CCDC30: variants seen among roughly 807,000 people sequenced by gnomAD.
CCDC30 encodes the protein coiled-coil domain containing 30.
A neutral mutation model predicts 100.2 loss-of-function variants in CCDC30; 70 were observed. The observed-to-expected ratio is 0.70, with a 90% CI of 0.58 to 0.85. The LOEUF is 0.85. CCDC30 is among the 40% of genes least tolerant of loss of function. CCDC30 has a pLI of 0.00. For synonymous variants in CCDC30, 233 were observed against 269.5 expected (o/e 0.86, Z 1.33); for missense variants, 652 against 771.2 (o/e 0.85, Z 1.83).
intron 6 of CCDC30, among the ~76,000 whole-genome samples, chr1:42,517,140 A>G (rs2148498215): frequency 6.6e-6 from 1 of 152,198 alleles, no homozygotes; most frequent in African/African-American, 2.4e-5. Context: ...CAGGAGTGCA[A>G]TGGTAAGATC....
chr1:42,580,871 T>G (rs1432377615), intron 8 of CCDC30: 3 of 456,136 alleles, frequency 6.6e-6, no homozygotes, highest in Non-Finnish European at 1.3e-5. Flanking sequence ...AGAAACTAGG[T>G]GCACTCACAA....
At chr1:42,506,406 G>A (rs564100227) in intron 6 of CCDC30, among the ~76,000 whole-genome samples, 1 of 152,174 alleles carries the variant, frequency 6.6e-6, no homozygotes, top group South Asian at 2.1e-4. Context: ...TACAACAATT[G>A]CCTGCAGATG....
chr1:42,456,737 G>A, the CCDC30 span: 1 of 1,610,874 alleles, frequency 6.2e-7, no homozygotes, highest in Non-Finnish European at 8.5e-7. Flanking sequence ...GCGCTTCCTG[G>A]ACAACTTCAG....
intron 6 of CCDC30, among the ~76,000 whole-genome samples, chr1:42,502,624 T>A (rs1644337188): frequency 6.6e-6 from 1 of 152,186 alleles, no homozygotes; most frequent in Non-Finnish European, 1.5e-5. Context: ...TGAATTCTTG[T>A]CAGGAAATTT....
At chr1:42,567,476 G>A (rs973771259) in intron 7 of CCDC30, among the ~76,000 whole-genome samples, 1 of 152,158 alleles carries the variant, frequency 6.6e-6, no homozygotes, top group Non-Finnish European at 1.5e-5. Flanking sequence ...AGAGCTCACA[G>A]TCTAGTAGGG....
chr1:42,601,674 C>T (rs944233545), intron 10 of CCDC30, among the ~76,000 whole-genome samples: 3 of 152,138 alleles, frequency 2.0e-5, no homozygotes, highest in African/African-American at 7.2e-5. Context: ...AACAGGTGAA[C>T]TGCAAAGAAC....
intron 6 of CCDC30, among the ~76,000 whole-genome samples, chr1:42,560,268 A>C (rs1645459552): frequency 6.6e-6 from 1 of 152,230 alleles, no homozygotes; most frequent in African/African-American, 2.4e-5. Context: ...AAAAGCTAGC[A>C]GAAGATAAGA....
chr1:42,577,109 G>A, exon 8 of CCDC30: 2 of 1,614,010 alleles, frequency 1.2e-6, no homozygotes, highest in Middle Eastern at 1.6e-4. Context: ...AGCACTGTCA[G>A]CAGAAAATCA....
At chr1:42,646,581 T>A (rs1053265066) in intron 15 of CCDC30, among the ~76,000 whole-genome samples, 13 of 151,930 alleles carry the variant, frequency 8.6e-5, no homozygotes, top group African/African-American at 3.1e-4. Flanking sequence ...ACAGAAGAGG[T>A]GGGACTCTGC....
intron 9 of CCDC30, among the ~76,000 whole-genome samples, chr1:42,587,400 G>T (rs532140417): frequency 2.6e-5 from 4 of 152,238 alleles, no homozygotes; most frequent in South Asian, 2.1e-4. Flanking sequence ...TAGTTTCAAG[G>T]CTTATCTCTT....
At chr1:42,535,730 A>ATATATAT (rs1220928057) in intron 6 of CCDC30, among the ~76,000 whole-genome samples, 50 of 118,388 alleles carry the variant, frequency 4.2e-4, no homozygotes, top group Non-Finnish European at 7.2e-4. Flanking sequence ...AATTTTAAAA[A>ATATATAT]ATTAAAAAAA....
At chr1:42,547,763 G>A (rs1224779002) in intron 6 of CCDC30, among the ~76,000 whole-genome samples, 5 of 151,976 alleles carry the variant, frequency 3.3e-5, no homozygotes, top group Admixed American at 3.3e-4. Flanking sequence ...CTCATCATGG[G>A]TCCATAACAC....
At chr1:42,541,281 A>G (rs1208312925) in intron 6 of CCDC30, among the ~76,000 whole-genome samples, 1 of 152,190 alleles carries the variant, frequency 6.6e-6, no homozygotes, top group Non-Finnish European at 1.5e-5. Context: ...GTCTCTTCTC[A>G]AAAGGGCACT....
intron 6 of CCDC30, among the ~76,000 whole-genome samples, chr1:42,553,591 GGCTGCAGTGAGCTAT>G (rs1448359485): frequency 2.6e-5 from 4 of 151,006 alleles, no homozygotes; most frequent in African/African-American, 9.7e-5. Flanking sequence ...AGGAGTTCAA[GGCTGCAGTGAGCTAT>G]GATCGCCCCA....
chr1:42,523,376 C>A (rs1168267106), intron 6 of CCDC30, among the ~76,000 whole-genome samples: 1 of 152,130 alleles, frequency 6.6e-6, no homozygotes, highest in African/African-American at 2.4e-5. Flanking sequence ...TCTTGACTGA[C>A]AATTTTTTCC....
intron 10 of CCDC30, chr1:42,594,334 C>G (rs1376931618): frequency 6.6e-6 from 1 of 152,062 alleles, no homozygotes; most frequent in Non-Finnish European, 1.5e-5. Context: ...CATAGCAAGA[C>G]CCTGTCTCTA....
At chr1:42,490,593 T>C (rs1417834297) in intron 4 of CCDC30, among the ~76,000 whole-genome samples, 1 of 152,010 alleles carries the variant, frequency 6.6e-6, no homozygotes, top group Non-Finnish European at 1.5e-5. Flanking sequence ...GCTTACTAAG[T>C]GACAGGTACT....
chr1:42,456,745 C>A, the CCDC30 span: 10 of 1,611,382 alleles, frequency 6.2e-6, no homozygotes, highest in South Asian at 1.1e-5. Flanking sequence ...TGGACAACTT[C>A]AGCAGCGGGC....
chr1:42,578,555 A>G (rs908069029), intron 8 of CCDC30, among the ~76,000 whole-genome samples: 4 of 152,194 alleles, frequency 2.6e-5, no homozygotes, highest in Non-Finnish European at 4.4e-5. Context: ...AATTGGTAAA[A>G]TTGGTAAAGA....
Sources: allele counts gnomAD v4.1 joint callset (sites outside exome capture counted in the v4.1 genomes callset), GRCh38; gene constraint gnomAD v4.1.1; transcripts MANE v1.5; gene names NCBI Gene and HGNC (gene_info 2026-07-23, HGNC 2026-07-21).